Variants in HP1BP3 observed in about 807,000 individuals in gnomAD.
HP1BP3 encodes heterochromatin protein 1-binding protein 3.
Under a neutral mutation model 62.5 loss-of-function variants are expected in HP1BP3, and 12 were observed. The observed-to-expected ratio is 0.19, with a 90% CI of 0.12 to 0.31. The LOEUF (loss-of-function observed/expected upper bound fraction) is 0.31. Among genes scored for constraint, HP1BP3 ranks in the 10% least tolerant of loss-of-function variants. The probability of loss-of-function intolerance (pLI) is 1.00; values close to 1 mark genes in which losing one functional copy is unlikely to be tolerated. For synonymous variants in HP1BP3, 260 were observed against 237.8 expected (o/e 1.09, Z -0.86); for missense variants, 502 against 651.8 (o/e 0.77, Z 2.50).
intron 9 of HP1BP3, among the ~76,000 whole-genome samples, chr1:20,751,659 C>A (rs1478443150): frequency 6.6e-6 from 1 of 151,150 alleles, no homozygotes; most frequent in Non-Finnish European, 1.5e-5. Context: ...GAAGTTGAGG[C>A]TATTAGTGAG....
In HP1BP3 at chr1:20,762,488, GATCCCCTAATCACAAACCCTAATCACGA is replaced by G. The variant is rs1470441001; in HGVS notation, c.890+2861_890+2888del. Reference sequence around the variant, plus strand: ...GCTGTGAAAAGAAAATAAATCTTGGGATCCCCTAATCACAAACCCTAATCACGAATCCCCTAATCACAAGGAAAATCCT... The same window carrying G: ...GCTGTGAAAAGAAAATAAATCTTGGGATCCCCTAATCACAAGGAAAATCCT... On this transcript the variant is annotated intron_variant, in intron 8 of 12. Transcript: ENST00000438032. Among the ~76,000 whole-genome samples the G allele has an allele frequency of 6.6e-5, 10 of 152,198 alleles. No homozygotes were observed. In the East Asian group the frequency reaches 1.9e-3, roughly 29 times the overall value.
intron 3 of HP1BP3, among the ~76,000 whole-genome samples, chr1:20,777,018 A>C (rs2057333481): frequency 6.6e-6 from 1 of 152,216 alleles, no homozygotes; most frequent in African/African-American, 2.4e-5. Context: ...CAATTGTTTA[A>C]TTATTCTACT....
At chr1:20,760,889 A>G (rs1432735526) in intron 8 of HP1BP3, among the ~76,000 whole-genome samples, 1 of 152,186 alleles carries the variant, frequency 6.6e-6, no homozygotes, top group Non-Finnish European at 1.5e-5. Flanking sequence ...TTTTTAAAAA[A>G]GTCTCACTCT....
At chr1:20,785,205 C>A (rs1459530362) in intron 1 of HP1BP3, among the ~76,000 whole-genome samples, 1 of 152,152 alleles carries the variant, frequency 6.6e-6, no homozygotes, top group African/African-American at 2.4e-5. Context: ...AGCCACCATG[C>A]ACGGCTTTAA....
At chr1:20,768,594 T>C (rs2056902643) in intron 6 of HP1BP3, among the ~76,000 whole-genome samples, 1 of 151,906 alleles carries the variant, frequency 6.6e-6, no homozygotes, top group Non-Finnish European at 1.5e-5. Flanking sequence ...AATCCCAGCA[T>C]TTTGGAAGGC....
At position 20,780,332 on chromosome 1, in the gene HP1BP3, T is replaced by G; in HGVS notation, c.96+13A>C. On this transcript the variant is annotated intron_variant, in intron 2 of 12. Coordinates refer to ENST00000438032, the MANE Select transcript of HP1BP3 (RefSeq NM_001372052.1). ...GATCCAAGAGTGAGCTTCAAGAATGTGTCAGCCCCTACCTCACCTAACTTG... is the reference window on the plus strand; with the variant it reads ...GATCCAAGAGTGAGCTTCAAGAATGGGTCAGCCCCTACCTCACCTAACTTG... 6.3e-7 allele frequency: 1 copy of G among 1,590,418 alleles called. No homozygotes were observed. The highest frequency in any genetic ancestry group is 8.6e-7 in the Non-Finnish European group (1 of 1,158,394).
At chr1:20,763,326 C>G (rs1024823234) in intron 8 of HP1BP3, among the ~76,000 whole-genome samples, 2 of 152,186 alleles carry the variant, frequency 1.3e-5, no homozygotes, top group African/African-American at 4.8e-5. Flanking sequence ...TGCCTACTAC[C>G]ACTATACTCA....
At chr1:20,757,285 G>C in intron 8 of HP1BP3, 29 bp from the exon 9 acceptor site, 1 of 1,383,548 alleles carries the variant, frequency 7.2e-7, no homozygotes, top group Non-Finnish European at 1.0e-6. Context: ...AAAAAATAGT[G>C]ATAAATACAT....
intron 7 of HP1BP3, among the ~76,000 whole-genome samples, chr1:20,766,275 G>A (rs1023579911): frequency 2.0e-5 from 3 of 152,056 alleles, no homozygotes; most frequent in African/African-American, 7.2e-5. Context: ...TGAGCAACAA[G>A]AGCGAAACTC....
At chr1:20,778,903 C>T (rs1458179335) in intron 3 of HP1BP3, among the ~76,000 whole-genome samples, 5 of 151,838 alleles carry the variant, frequency 3.3e-5, no homozygotes, top group Non-Finnish European at 1.5e-5. Context: ...AATTCTTGTG[C>T]CTCAGCCTCC....
chr1:20,741,630 C>T lies in HP1BP3; in HGVS notation c.*3167G>A, dbSNP rs1183589360. ...TCATAGTGCTAAGGAAAGGTCTCCA[C>T]ATTTCTCAACAATAGTATCTTTCCT... On this transcript the variant is annotated 3_prime_UTR_variant, in exon 13 of 13. Transcript: ENST00000438032. 6.6e-6 allele frequency among the ~76,000 whole-genome samples: 1 copy of T among 152,210 alleles called. No homozygotes were observed. Among genetic ancestry groups the T allele is most frequent in the Non-Finnish European group, 1.5e-5 (1 of 68,028 alleles).
At chr1:20,754,004 A>C (rs1326476242) in intron 9 of HP1BP3, among the ~76,000 whole-genome samples, 1 of 152,232 alleles carries the variant, frequency 6.6e-6, no homozygotes, top group Non-Finnish European at 1.5e-5. Context: ...AATGGAGGTT[A>C]ATCTAGAGCA....
chr1:20,760,876 A>C (rs1474906961), intron 8 of HP1BP3, among the ~76,000 whole-genome samples: 1 of 152,214 alleles, frequency 6.6e-6, no homozygotes, highest in Non-Finnish European at 1.5e-5. Context: ...GATAGAACTT[A>C]CATTTTTAAA....
At chr1:20,784,977 G>A (rs1401522397) in intron 1 of HP1BP3, among the ~76,000 whole-genome samples, 1 of 152,130 alleles carries the variant, frequency 6.6e-6, no homozygotes, top group Non-Finnish European at 1.5e-5. Flanking sequence ...CTGGAGTACA[G>A]TGGCATGACC....
At chr1:20,766,637 T>G (rs2056798219) in intron 7 of HP1BP3, among the ~76,000 whole-genome samples, 2 of 152,244 alleles carry the variant, frequency 1.3e-5, no homozygotes, top group South Asian at 4.1e-4. Flanking sequence ...GTCTAGTATT[T>G]GGTAAAAATG....
At chr1:20,755,958 G>C (rs1057277828) in intron 9 of HP1BP3, among the ~76,000 whole-genome samples, 1 of 152,182 alleles carries the variant, frequency 6.6e-6, no homozygotes, top group Non-Finnish European at 1.5e-5. Flanking sequence ...TCTGCAGAGA[G>C]ACAGAACAGA....
At chr1:20,745,221 A>G (rs1174545011) in intron 12 of HP1BP3, 130 bp from the exon 13 acceptor site, 3 of 1,027,122 alleles carry the variant, frequency 2.9e-6, no homozygotes, top group Non-Finnish European at 4.2e-6. Context: ...GAATGTGACA[A>G]TTTTTTACTA....
intron 9 of HP1BP3, chr1:20,750,340 C>T (rs1490054433): frequency 1.6e-5 from 1 of 61,286 alleles, no homozygotes; most frequent in South Asian, 4.5e-4. Context: ...CACACACACA[C>T]ACACACACAC....
At chr1:20,783,982 T>TTTTG (rs201911030) in intron 1 of HP1BP3, among the ~76,000 whole-genome samples, 1 of 150,434 alleles carries the variant, frequency 6.6e-6, no homozygotes, top group African/African-American at 2.5e-5. Flanking sequence ...TACCTATGTT[T>TTTTG]TTTGTTTGTT....
Sources: allele counts gnomAD v4.1 joint callset (sites outside exome capture counted in the v4.1 genomes callset), GRCh38; gene constraint gnomAD v4.1.1; transcripts MANE v1.5; gene names NCBI Gene and HGNC (gene_info 2026-07-23, HGNC 2026-07-21).